Variants in ABCB4 observed in about 807,000 individuals in gnomAD.
ABCB4 encodes the protein phosphatidylcholine translocator ABCB4.
A neutral mutation model predicts 145.7 loss-of-function variants in ABCB4; 76 were observed. The observed-to-expected ratio is 0.52, with a 90% CI of 0.43 to 0.63. The LOEUF is 0.63. Among genes scored for constraint, ABCB4 ranks in the 30% least tolerant of loss-of-function variants. ABCB4 has a pLI of 0.00. For synonymous variants in ABCB4, 517 were observed against 566.8 expected (o/e 0.91, Z 1.25); for missense variants, 1,234 against 1,553.1 (o/e 0.79, Z 3.45).
chr7:87,368,759 A>T, the ABCB4 span, among the ~76,000 whole-genome samples: 8 of 152,188 alleles, frequency 5.3e-5, no homozygotes, highest in Non-Finnish European at 7.4e-5. Flanking sequence ...GTACCTAAAG[A>T]TGGGGTTATA....
chr7:87,377,599 T>C, the ABCB4 span: 1 of 572,620 alleles, frequency 1.7e-6, no homozygotes, highest in Non-Finnish European at 3.1e-6. Flanking sequence ...TGAATTCTCA[T>C]TGAAAGTATA....
At chr7:87,417,556 C>A (rs1185898184) in intron 20 of ABCB4, 41 bp from the exon 21 acceptor site, 1 of 1,536,748 alleles carries the variant, frequency 6.5e-7, no homozygotes. Flanking sequence ...GTTTTAAGCT[C>A]CAAATGCATG....
intron 12 of ABCB4, 52 bp from the exon 13 acceptor site, chr7:87,440,454 G>A (rs754641917): frequency 2.4e-5 from 36 of 1,472,282 alleles, no homozygotes; most frequent in Non-Finnish European, 3.4e-5. Context: ...AATAGCTGAA[G>A]TATCAGGACC....
chr7:87,378,194 A>G, the ABCB4 span, among the ~76,000 whole-genome samples: 1 of 151,898 alleles, frequency 6.6e-6, no homozygotes, highest in Non-Finnish European at 1.5e-5. Context: ...AAATACAAAA[A>G]TTAGCCTCAC....
the ABCB4 span, chr7:87,393,169 T>C: frequency 8.1e-7 from 1 of 1,236,808 alleles, no homozygotes; most frequent in Non-Finnish European, 1.1e-6. Context: ...TATTGCCATC[T>C]GTCACTTGCT....
In ABCB4 at chr7:87,447,285, T is replaced by G. The variant is rs949549499; in HGVS notation, c.834-80A>C. On this transcript the variant is annotated intron_variant, in intron 8 of 27. Transcript: ENST00000649586. ...CGAGTCACACTCGGCTCCTATATAGTTGGAGGTTTAAGTAACAAAGTCAGT... is the reference window on the plus strand; with the variant it reads ...CGAGTCACACTCGGCTCCTATATAGGTGGAGGTTTAAGTAACAAAGTCAGT... 21 of 1,415,038 alleles carry G rather than the reference T, an allele frequency of 1.5e-5. No individual in the cohort carries two copies. The South Asian group carries it at 2.5e-4, about 17-fold the overall frequency. 87.7% of individuals were successfully genotyped at this position (1,415,038 alleles called of 1,614,324 possible).
chr7:87,400,772 T>C (rs1807746966), downstream of ABCB4, among the ~76,000 whole-genome samples: 1 of 152,204 alleles, frequency 6.6e-6, no homozygotes, highest in African/African-American at 2.4e-5. Context: ...GTGAGTATAA[T>C]GCAAATATTC....
intron 14 of ABCB4, among the ~76,000 whole-genome samples, chr7:87,433,467 C>G (rs993976226): frequency 2.0e-5 from 3 of 151,904 alleles, no homozygotes; most frequent in African/African-American, 7.3e-5. Context: ...GAATAAATTG[C>G]TAACAATGAC....
chr7:87,398,293 T>C (rs1248060825), downstream of ABCB4: 1 of 660,808 alleles, frequency 1.5e-6, no homozygotes, highest in East Asian at 3.0e-5. Flanking sequence ...GGGCTCTAGC[T>C]AATTTGTTCC....
intron 3 of ABCB4, among the ~76,000 whole-genome samples, chr7:87,469,143 T>A (rs750494798): frequency 6.6e-6 from 1 of 152,138 alleles, no homozygotes; most frequent in African/African-American, 2.4e-5. Flanking sequence ...TCTCAATAGA[T>A]GCAGAAAAGG....
chr7:87,442,800 A>G (rs1811074595), intron 12 of ABCB4, among the ~76,000 whole-genome samples: 1 of 152,172 alleles, frequency 6.6e-6, no homozygotes, highest in African/African-American at 2.4e-5. Context: ...ATGGCAAAAA[A>G]ACATACCCTA....
intron 2 of ABCB4, among the ~76,000 whole-genome samples, chr7:87,473,502 T>G (rs1459185509): frequency 6.6e-6 from 1 of 152,204 alleles, no homozygotes; most frequent in East Asian, 1.9e-4. Context: ...TCCTCTCATT[T>G]CTTTCAAGTC....
intron 23 of ABCB4, among the ~76,000 whole-genome samples, chr7:87,411,530 A>AT (rs1021139533): frequency 3.3e-5 from 5 of 152,176 alleles, no homozygotes; most frequent in Non-Finnish European, 7.3e-5. Context: ...TTGGTTGTAG[A>AT]TAATAGTAAG....
chr7:87,449,417 C>A (rs1232733763), intron 8 of ABCB4, among the ~76,000 whole-genome samples: 3 of 151,068 alleles, frequency 2.0e-5, no homozygotes, highest in Non-Finnish European at 4.4e-5. Flanking sequence ...TTTTTTGGGG[C>A]TTTTATTTAT....
intron 18 of ABCB4, among the ~76,000 whole-genome samples, chr7:87,421,715 C>A (rs997897863): frequency 6.6e-6 from 1 of 152,080 alleles, no homozygotes; most frequent in African/African-American, 2.4e-5. Context: ...CGTTAGAATG[C>A]AAAATATTAT....
intron 23 of ABCB4, among the ~76,000 whole-genome samples, chr7:87,410,709 C>T (rs1411547976): frequency 3.3e-5 from 5 of 152,210 alleles, no homozygotes; most frequent in African/African-American, 4.8e-5. Flanking sequence ...CCCCCTACTC[C>T]ATGTCTGGGG....
chr7:87,461,413 G>C (rs575581658), intron 4 of ABCB4, among the ~76,000 whole-genome samples: 1 of 152,208 alleles, frequency 6.6e-6, no homozygotes, highest in East Asian at 1.9e-4. Flanking sequence ...TAATAAGCAT[G>C]GTTTGGATGG....
At chr7:87,378,628 A>G in the ABCB4 span, among the ~76,000 whole-genome samples, 1 of 152,168 alleles carries the variant, frequency 6.6e-6, no homozygotes, top group African/African-American at 2.4e-5. Context: ...ATAGACTCCC[A>G]AAGGAAATAG....
intron 2 of ABCB4, among the ~76,000 whole-genome samples, chr7:87,474,735 G>C (rs1411276450): frequency 6.6e-6 from 1 of 152,194 alleles, no homozygotes; most frequent in East Asian, 1.9e-4. Flanking sequence ...TAAAGCCTGT[G>C]AAGTGAGTTT....
Sources: allele counts gnomAD v4.1 joint callset (sites outside exome capture counted in the v4.1 genomes callset), GRCh38; gene constraint gnomAD v4.1.1; transcripts MANE v1.5; gene names NCBI Gene and HGNC (gene_info 2026-07-23, HGNC 2026-07-21).